The following PGCKA1 variants were observed in gnomAD, a reference collection of about 807,000 sequenced individuals.
PGCKA1 encodes the protein PDCD10 and GCKIII kinases associated 1, also known as PDCD10 and GCKIII kinases-associated protein 1.
At chr4:37,455,569 A>T in the PGCKA1 span, among the ~76,000 whole-genome samples, 1 of 152,168 alleles carries the variant, frequency 6.6e-6, no homozygotes, top group Non-Finnish European at 1.5e-5. Flanking sequence ...ATGGCTCCGG[A>T]GATTTAGATA....
the PGCKA1 span, among the ~76,000 whole-genome samples, chr4:37,503,549 A>G: frequency 6.6e-6 from 1 of 152,176 alleles, no homozygotes; most frequent in Non-Finnish European, 1.5e-5. Context: ...ACTGTTCCTT[A>G]TAGTGGTTGT....
the PGCKA1 span, among the ~76,000 whole-genome samples, chr4:37,575,260 T>C: frequency 6.6e-6 from 1 of 152,190 alleles, no homozygotes; most frequent in South Asian, 2.1e-4. Flanking sequence ...CCAGTATTTG[T>C]TGTTGCGCAT....
the PGCKA1 span, among the ~76,000 whole-genome samples, chr4:37,504,981 C>T: frequency 4.6e-5 from 7 of 152,138 alleles, 1 homozygote; most frequent in Admixed American, 2.6e-4. Flanking sequence ...TGAAAGTGGG[C>T]ATCCTTGTCA....
At chr4:37,578,529 C>T in the PGCKA1 span, among the ~76,000 whole-genome samples, 1 of 152,154 alleles carries the variant, frequency 6.6e-6, no homozygotes, top group Non-Finnish European at 1.5e-5. Context: ...GAGTAGACAG[C>T]TTAGTCCGTT....
the PGCKA1 span, among the ~76,000 whole-genome samples, chr4:37,547,847 A>G: frequency 1.3e-5 from 2 of 152,212 alleles, no homozygotes; most frequent in Non-Finnish European, 2.9e-5. Context: ...GATAATTGAA[A>G]TCCCAAACTT....
At chr4:37,559,656 A>G in the PGCKA1 span, among the ~76,000 whole-genome samples, 2 of 152,150 alleles carry the variant, frequency 1.3e-5, no homozygotes, top group South Asian at 4.1e-4. Flanking sequence ...CCACTAAATC[A>G]GAGGGTCCAG....
At chr4:37,552,440 G>GT in the PGCKA1 span, among the ~76,000 whole-genome samples, 2 of 152,180 alleles carry the variant, frequency 1.3e-5, no homozygotes, top group African/African-American at 2.4e-5. Flanking sequence ...TGTCTGAGAG[G>GT]TTTTGCCTGT....
the PGCKA1 span, among the ~76,000 whole-genome samples, chr4:37,505,542 T>C: frequency 5.3e-5 from 8 of 152,204 alleles, no homozygotes; most frequent in African/African-American, 1.9e-4. Flanking sequence ...AGGCTTACAG[T>C]TCCACATGGC....
At chr4:37,512,049 G>A in the PGCKA1 span, among the ~76,000 whole-genome samples, 10 of 152,172 alleles carry the variant, frequency 6.6e-5, no homozygotes, top group South Asian at 2.1e-4. Flanking sequence ...CAATCACTGT[G>A]CTCTCCCTCT....
At chr4:37,526,421 C>A in the PGCKA1 span, among the ~76,000 whole-genome samples, 1 of 152,176 alleles carries the variant, frequency 6.6e-6, no homozygotes, top group African/African-American at 2.4e-5. Flanking sequence ...GGACTACAAA[C>A]CTTAAGAAAT....
At chr4:37,570,243 C>T in the PGCKA1 span, among the ~76,000 whole-genome samples, 1 of 149,268 alleles carries the variant, frequency 6.7e-6, no homozygotes, top group African/African-American at 2.5e-5. Flanking sequence ...TTTGAGCCGC[C>T]GACCTCGGCC....
At chr4:37,480,650 G>A in the PGCKA1 span, among the ~76,000 whole-genome samples, 1 of 152,220 alleles carries the variant, frequency 6.6e-6, no homozygotes, top group African/African-American at 2.4e-5. Flanking sequence ...TTCATGGCAG[G>A]GTTGGAATCT....
At chr4:37,462,152 T>C in the PGCKA1 span, among the ~76,000 whole-genome samples, 26,469 of 150,830 alleles carry the variant, frequency 0.18, 2,535 homozygotes, top group Admixed American at 0.21. Context: ...CAAATCTGTA[T>C]GTCCATGTAA....
At chr4:37,567,630 A>G in the PGCKA1 span, among the ~76,000 whole-genome samples, 2 of 152,122 alleles carry the variant, frequency 1.3e-5, no homozygotes, top group South Asian at 4.1e-4. Flanking sequence ...TCTAAATGCC[A>G]TCCGGCTTCA....
the PGCKA1 span, chr4:37,590,794 G>C: frequency 6.2e-7 from 1 of 1,614,134 alleles, no homozygotes; most frequent in East Asian, 2.2e-5. Context: ...TGAGGATGTG[G>C]AAACAGAAGT....
chr4:37,462,329 C>T, the PGCKA1 span, among the ~76,000 whole-genome samples: 1 of 152,234 alleles, frequency 6.6e-6, no homozygotes, highest in Non-Finnish European at 1.5e-5. Flanking sequence ...TCAGCCAAAA[C>T]TTGAACCCAG....
At chr4:37,487,078 G>A in the PGCKA1 span, among the ~76,000 whole-genome samples, 368 of 152,324 alleles carry the variant, frequency 2.4e-3, 10 homozygotes, top group Admixed American at 0.019. Flanking sequence ...CTGGGGTGGA[G>A]ATGGTACGAG....
chr4:37,548,179 T>C, the PGCKA1 span, among the ~76,000 whole-genome samples: 2 of 145,350 alleles, frequency 1.4e-5, no homozygotes, highest in African/African-American at 5.1e-5. Context: ...AGAAAAAAAG[T>C]TATAAAAAAA....
chr4:37,574,444 ATT>A, the PGCKA1 span, among the ~76,000 whole-genome samples: 21 of 131,488 alleles, frequency 1.6e-4, no homozygotes, highest in Middle Eastern at 3.4e-3. Flanking sequence ...ATTTATTTTT[ATT>A]TTAAGTTTTT....
Sources: allele counts gnomAD v4.1 joint callset (sites outside exome capture counted in the v4.1 genomes callset), GRCh38; gene constraint gnomAD v4.1.1; transcripts MANE v1.5; gene names NCBI Gene and HGNC (gene_info 2026-07-23, HGNC 2026-07-21).